Variants in LDB2 observed in about 807,000 individuals in gnomAD.
The protein encoded by LDB2 is LIM domain binding 2.
LDB2 carries 12 observed loss-of-function variants against 44.3 expected under a neutral mutation model. The ratio of observed to expected loss-of-function variants is 0.27; its 90% CI spans 0.17 to 0.44. LDB2 has a LOEUF of 0.44. LDB2 is among the 20% of genes least tolerant of loss of function. LDB2 has a pLI of 1.00. For missense variants in LDB2, 344 were observed against 473.5 expected (o/e 0.73, Z 2.54); for synonymous variants, 164 against 174.8 (o/e 0.94, Z 0.49).
chr4:16,777,879 A>C (rs1772293829), intron 1 of LDB2, among the ~76,000 whole-genome samples: 1 of 152,152 alleles, frequency 6.6e-6, no homozygotes, highest in South Asian at 2.1e-4. Flanking sequence ...AATATTAGCT[A>C]TCACTTTCTT....
chr4:16,523,731 C>T (rs1334283981), intron 5 of LDB2, among the ~76,000 whole-genome samples: 2 of 152,104 alleles, frequency 1.3e-5, no homozygotes, highest in East Asian at 3.9e-4. Context: ...AGGGATGATT[C>T]ATGTTCCAGG....
At chr4:16,665,616 T>C (rs996914164) in intron 2 of LDB2, among the ~76,000 whole-genome samples, 101 of 152,304 alleles carry the variant, frequency 6.6e-4, no homozygotes, top group African/African-American at 2.4e-3. Flanking sequence ...TAACTTAAAG[T>C]GGCTGAATCC....
chr4:16,886,950 G>A (rs765606896), intron 1 of LDB2, among the ~76,000 whole-genome samples: 26 of 148,020 alleles, frequency 1.8e-4, no homozygotes, highest in Non-Finnish European at 3.7e-4. Context: ...GGAGAATGGC[G>A]TGAACCCAGG....
Position 16,784,585 on chromosome 4 carries a change from C to T in LDB2, c.133-25325G>A, listed in dbSNP as rs1394662770. Among the ~76,000 whole-genome samples, 3 of 152,160 alleles carry T rather than the reference C, an allele frequency of 2.0e-5. No homozygotes were observed. The East Asian group carries it at 5.8e-4, about 29-fold the overall frequency. ...GCTTCAGAGGCAGAGGTGGCCAAAG[C>T]TGTGTGAACCAAGAATGCTGTGAAT... On this transcript the variant is annotated intron_variant, in intron 1 of 7. Coordinates refer to ENST00000304523, the MANE Select transcript of LDB2 (RefSeq NM_001290.5).
At chr4:16,783,667 T>G (rs1773792977) in intron 1 of LDB2, among the ~76,000 whole-genome samples, 1 of 152,250 alleles carries the variant, frequency 6.6e-6, no homozygotes, top group Non-Finnish European at 1.5e-5. Context: ...AGACTCTTGT[T>G]ACATGGTTGT....
intron 2 of LDB2, among the ~76,000 whole-genome samples, chr4:16,642,767 CA>C (rs1217564337): frequency 6.6e-6 from 1 of 152,114 alleles, no homozygotes; most frequent in Non-Finnish European, 1.5e-5. Context: ...GGAAAGCAGA[CA>C]TTATCTCTGC....
chr4:16,785,235 A>G (rs207701), intron 1 of LDB2, among the ~76,000 whole-genome samples: 127,158 of 151,986 alleles, frequency 0.84, 54,011 homozygotes, highest in Middle Eastern at 0.94. Flanking sequence ...CATGATAAAC[A>G]TGCCTCCATC....
At chr4:16,764,643 C>T (rs183608407) in intron 1 of LDB2, among the ~76,000 whole-genome samples, 2 of 152,184 alleles carry the variant, frequency 1.3e-5, no homozygotes, top group Admixed American at 6.5e-5. Flanking sequence ...GAAAAAGAGA[C>T]CATGGTCATT....
intron 2 of LDB2, among the ~76,000 whole-genome samples, chr4:16,670,552 G>C (rs1419116417): frequency 1.3e-5 from 2 of 152,118 alleles, no homozygotes; most frequent in South Asian, 4.1e-4. Flanking sequence ...CCAAAGTTTA[G>C]AACTAGTTAT....
intron 2 of LDB2, among the ~76,000 whole-genome samples, chr4:16,729,011 T>C (rs190162732): frequency 6.6e-6 from 1 of 152,346 alleles, no homozygotes; most frequent in Admixed American, 6.5e-5. Context: ...GACTTGGGTA[T>C]AGATCTATGG....
At chr4:16,605,764 A>G (rs982703052) in intron 2 of LDB2, among the ~76,000 whole-genome samples, 3 of 152,174 alleles carry the variant, frequency 2.0e-5, no homozygotes, top group Non-Finnish European at 4.4e-5. Context: ...ACATCCAGAC[A>G]CTGAAGACAC....
chr4:16,742,157 C>T (rs769254528), intron 2 of LDB2, among the ~76,000 whole-genome samples: 20 of 150,786 alleles, frequency 1.3e-4, no homozygotes, highest in East Asian at 3.9e-4. Flanking sequence ...CTGCAATCTC[C>T]GCCTTTCGGG....
Position 16,756,572 on chromosome 4 carries a change from G to A in LDB2, c.235+2586C>T, listed in dbSNP as rs997634402. ...AAAGATCTCAGTAAAGGATAGCTTT[G>A]CCAACATTTTACTTGATTATATAAA... On this transcript the variant is annotated intron_variant, in intron 2 of 7. Transcript: ENST00000304523. Among the ~76,000 whole-genome samples, 4 of 152,260 alleles carry A rather than the reference G, an allele frequency of 2.6e-5. No homozygotes were observed. In the South Asian group the frequency reaches 8.3e-4, roughly 32 times the overall value.
At chr4:16,850,387 G>T (rs182958987) in intron 1 of LDB2, among the ~76,000 whole-genome samples, 32 of 152,224 alleles carry the variant, frequency 2.1e-4, no homozygotes, top group South Asian at 1.7e-3. Flanking sequence ...AAATTTGATG[G>T]TTATATCTAC....
intron 1 of LDB2, among the ~76,000 whole-genome samples, chr4:16,777,773 A>G (rs1772269628): frequency 6.6e-6 from 1 of 152,194 alleles, no homozygotes. Flanking sequence ...TCAAGATCAA[A>G]TGAGATCATA....
intron 1 of LDB2, among the ~76,000 whole-genome samples, chr4:16,880,211 G>C (rs1719652157): frequency 6.6e-6 from 1 of 151,908 alleles, no homozygotes; most frequent in Non-Finnish European, 1.5e-5. Flanking sequence ...ATTCTTCATG[G>C]GTCCAGTCAA....
chr4:16,779,015 C>T (rs1031554735), intron 1 of LDB2, among the ~76,000 whole-genome samples: 4 of 152,148 alleles, frequency 2.6e-5, no homozygotes, highest in Admixed American at 1.3e-4. Context: ...AGGACAATTT[C>T]GAGACAAATG....
intron 2 of LDB2, among the ~76,000 whole-genome samples, chr4:16,613,113 C>T (rs1209326518): frequency 6.6e-6 from 1 of 152,182 alleles, no homozygotes; most frequent in Non-Finnish European, 1.5e-5. Flanking sequence ...ACAAAAACCA[C>T]ATGATTATTT....
intron 5 of LDB2, among the ~76,000 whole-genome samples, chr4:16,519,461 C>T (rs1245519417): frequency 6.6e-6 from 1 of 151,934 alleles, no homozygotes; most frequent in Non-Finnish European, 1.5e-5. Flanking sequence ...TGTTGTTTAC[C>T]TCTCTGAATA....
Sources: gnomAD v4.1 joint callset for allele counts (sites outside exome capture counted in the v4.1 genomes callset) on GRCh38, gnomAD v4.1.1 for gene constraint, MANE v1.5 for transcripts, NCBI Gene and HGNC (gene_info 2026-07-23, HGNC 2026-07-21) for gene names.